Variants in NCOR1 observed in about 807,000 individuals in gnomAD.
NCOR1 encodes the protein protein phosphatase 1, regulatory subunit 109.
A neutral mutation model predicts 288.1 loss-of-function variants in NCOR1; 63 were observed. The observed-to-expected ratio is 0.22, with a 90% CI of 0.18 to 0.27. NCOR1 has a LOEUF of 0.27. NCOR1 is among the 10% of genes least tolerant of loss of function. The pLI is 1.00. For synonymous variants in NCOR1, 1,007 were observed against 1,065.9 expected, an observed-to-expected ratio of 0.94 and a Z score of 1.08; for missense variants, 2,397 against 3,019.2, an observed-to-expected ratio of 0.79 and a Z score of 4.83.
intron 19 of NCOR1, among the ~76,000 whole-genome samples, chr17:16,105,030 G>C (rs8067678): frequency 0.023 from 3,572 of 152,202 alleles, 141 homozygotes; most frequent in African/African-American, 0.081. Context: ...TTGGAGCAGA[G>C]GGGGCCAACA....
chr17:16,051,513 T>C (rs985259787), intron 40 of NCOR1, among the ~76,000 whole-genome samples: 3 of 152,160 alleles, frequency 2.0e-5, no homozygotes, highest in African/African-American at 7.2e-5. Flanking sequence ...CAGGGAAATT[T>C]ATAGCACTAA....
chr17:16,197,575 A>G (rs2090074850), intron 1 of NCOR1, among the ~76,000 whole-genome samples: 1 of 152,184 alleles, frequency 6.6e-6, no homozygotes, highest in South Asian at 2.1e-4. Context: ...CAGGTGAGAA[A>G]TCTGAAGATC....
At chr17:16,085,512 A>T (rs772728870) in intron 23 of NCOR1, among the ~76,000 whole-genome samples, 1 of 152,252 alleles carries the variant, frequency 6.6e-6, no homozygotes. Flanking sequence ...ACAAACTGGT[A>T]TTACTCAGCA....
chr17:16,211,995 G>A (rs1433421451), intron 1 of NCOR1, among the ~76,000 whole-genome samples: 1 of 152,008 alleles, frequency 6.6e-6, no homozygotes, highest in Non-Finnish European at 1.5e-5. Context: ...ATAATCTATA[G>A]GGCCGGGCAC....
rs780448158 is a variant in NCOR1 at position 16,165,169 on chromosome 17, G to T, written c.436-8C>A. 1 of 1,575,018 alleles carries T rather than the reference G, an allele frequency of 6.3e-7. No individual in the cohort carries two copies. Among genetic ancestry groups the T allele is most frequent in the Non-Finnish European group, 8.5e-7 (1 of 1,170,014 alleles). ...GCCTCCGAATGCTGGATCCTTTAGA[G>T]AATAAAACCAAGAAAAACAATTTAT... On this transcript the variant is annotated splice_polypyrimidine_tract_variant and splice_region_variant and intron_variant, in intron 4 of 45. Transcript: ENST00000268712.
chr17:16,044,995 T>TTAA, intron 42 of NCOR1: 2 of 462,886 alleles, frequency 4.3e-6, no homozygotes, highest in Non-Finnish European at 7.8e-6. Flanking sequence ...AAAGCTGAAC[T>TTAA]TAAGAAAAAA....
chr17:16,141,816 T>C (rs1315393480), intron 11 of NCOR1, among the ~76,000 whole-genome samples: 3 of 152,326 alleles, frequency 2.0e-5, no homozygotes, highest in South Asian at 2.1e-4. Context: ...TGATTGAATA[T>C]AGATATGGAA....
At position 16,158,869 on chromosome 17, in the gene NCOR1, T is replaced by C; in HGVS notation, c.623A>G (p.Gln208Arg). The C allele has an allele frequency of 6.2e-7, 1 of 1,612,592 alleles. No individual in the cohort carries two copies. The highest frequency in any genetic ancestry group is 8.5e-7 in the Non-Finnish European group (1 of 1,178,762). Residue 208 changes from glutamine (Q) to arginine (R), a missense_variant, in exon 6 of 46, where the codon CAG becomes CGG. By Grantham distance (43) the Gln-to-Arg change is conservative. Around this residue, in one of 11 missense-constraint regions of NCOR1, gnomAD observed 76 missense variants for 102.2 expected, o/e 0.74. Coordinates refer to ENST00000268712, the MANE Select transcript of NCOR1 (RefSeq NM_006311.4). ...QILKLKKKQQ[Q>R]LEEEAAKPPE... ...AGGTTTAGCTGCCTCTTCTTCAAGC[T>C]GTTGCTAAGAGATCCAGAAAGAAAG...
intron 11 of NCOR1, among the ~76,000 whole-genome samples, chr17:16,143,135 A>G (rs2077382324): frequency 6.6e-6 from 1 of 152,058 alleles, no homozygotes; most frequent in African/African-American, 2.4e-5. Context: ...GCTAGACAAC[A>G]CCCTTTGAAG....
chr17:16,089,843 G>C (rs752196100), intron 22 of NCOR1, among the ~76,000 whole-genome samples: 1 of 151,966 alleles, frequency 6.6e-6, no homozygotes, highest in Non-Finnish European at 1.5e-5. Context: ...AAAAACTTCT[G>C]GTACTTGTTA....
chr17:16,215,105 G>A (rs920564474), intron 1 of NCOR1, among the ~76,000 whole-genome samples: 1 of 152,212 alleles, frequency 6.6e-6, no homozygotes, highest in Non-Finnish European at 1.5e-5. Context: ...GCCCCGGCCC[G>A]GCCACAGCCC....
At chr17:16,161,982 A>C (rs1013492920) in intron 5 of NCOR1, among the ~76,000 whole-genome samples, 1 of 152,204 alleles carries the variant, frequency 6.6e-6, no homozygotes, top group Non-Finnish European at 1.5e-5. Context: ...AAAGAAAATA[A>C]AAGACAAAAG....
chr17:16,130,666 T>C (rs1397657997), intron 14 of NCOR1, among the ~76,000 whole-genome samples: 2 of 151,920 alleles, frequency 1.3e-5, no homozygotes, highest in African/African-American at 2.4e-5. Flanking sequence ...AAAAGTTAAG[T>C]GTATTTCTTT....
chr17:16,123,242 A>T (rs1195951343), intron 15 of NCOR1, among the ~76,000 whole-genome samples: 1 of 152,306 alleles, frequency 6.6e-6, no homozygotes, highest in Non-Finnish European at 1.5e-5. Context: ...CAGATTTGAT[A>T]TCATCCTTTG....
At chr17:16,039,088 C>T in intron 44 of NCOR1, 1 of 211,170 alleles carries the variant, frequency 4.7e-6, no homozygotes. Flanking sequence ...TTCTTTTCTA[C>T]TGAGCCTAAT....
chr17:16,150,604 A>T (rs1426403632), intron 8 of NCOR1, among the ~76,000 whole-genome samples: 1 of 152,152 alleles, frequency 6.6e-6, no homozygotes, highest in African/African-American at 2.4e-5. Context: ...AGCACTAAAT[A>T]GGCAATGTAG....
intron 15 of NCOR1, among the ~76,000 whole-genome samples, chr17:16,122,090 G>A (rs932936337): frequency 1.3e-5 from 2 of 152,144 alleles, no homozygotes; most frequent in East Asian, 3.8e-4. Flanking sequence ...ACTCCCTCAG[G>A]ATATAAAGTG....
chr17:16,061,697 T>C lies in NCOR1; in HGVS notation c.5585A>G (p.Glu1862Gly), dbSNP rs2152606880. 6.2e-7 allele frequency: 1 copy of C among 1,614,232 alleles called. No individual in the cohort carries two copies. Among genetic ancestry groups the C allele is most frequent in the Non-Finnish European group, 8.5e-7 (1 of 1,180,040 alleles). ...GGTTTTCTGCTCTAGCTGCTGCTGT[T>C]CACTAACTGCTGCTGACCTGCTTCT... The part of the protein sequence containing the change: ...NLRSRSAAVS[E>G]QQQLEQKTLE... Residue 1862 changes from glutamate (E) to glycine (G), a missense_variant, in exon 37 of 46, where the codon GAA (glutamate) becomes GGA (glycine). This residue lies in a region of NCOR1 where 1,872 missense variants were observed against 2,187.8 expected (regional missense o/e 0.86). Coordinates refer to ENST00000268712, the MANE Select transcript of NCOR1 (RefSeq NM_006311.4).
intron 18 of NCOR1, among the ~76,000 whole-genome samples, chr17:16,112,964 G>A (rs1346941444): frequency 6.6e-6 from 1 of 152,066 alleles, no homozygotes; most frequent in Non-Finnish European, 1.5e-5. Context: ...AGGCTGGAGT[G>A]CAGTGGTGCG....
Sources: gnomAD v4.1 joint callset for allele counts (sites outside exome capture counted in the v4.1 genomes callset) on GRCh38, gnomAD v4.1.1 for gene constraint, gnomAD v4.1.1 regional missense constraint, MANE v1.5 for transcripts, NCBI Gene and HGNC (gene_info 2026-07-23, HGNC 2026-07-21) for gene names.